Variants in FTO observed in about 807,000 individuals in gnomAD.
FTO encodes the protein FTO alpha-ketoglutarate dependent dioxygenase, also known as alpha-ketoglutarate-dependent dioxygenase FTO.
Under a neutral mutation model 63.9 loss-of-function variants are expected in FTO, and 47 were observed. That is an observed-to-expected ratio of 0.74 (90% CI 0.58 to 0.94). The LOEUF (loss-of-function observed/expected upper bound fraction) is 0.94. Among genes scored for constraint, FTO ranks in the 40% least tolerant of loss-of-function variants. FTO has a pLI of 0.00. For missense variants in FTO, 562 were observed against 618.1 expected (o/e 0.91, Z 0.96); for synonymous variants, 207 against 224.4 (o/e 0.92, Z 0.69).
intron 6 of FTO, among the ~76,000 whole-genome samples, chr16:53,884,631 C>A (rs895932370): frequency 6.6e-6 from 1 of 152,164 alleles, no homozygotes; most frequent in African/African-American, 2.4e-5. Flanking sequence ...GTTTGCTGAC[C>A]CGTTGGAATG....
At chr16:54,001,943 G>A (rs2084077789) in intron 8 of FTO, among the ~76,000 whole-genome samples, 1 of 152,178 alleles carries the variant, frequency 6.6e-6, no homozygotes, top group Non-Finnish European at 1.5e-5. Flanking sequence ...ATAGGCCCCA[G>A]AAGGGGCTTC....
chr16:54,070,605 T>A (rs2085846617), intron 8 of FTO: 1 of 152,158 alleles, frequency 6.6e-6, no homozygotes, highest in African/African-American at 2.4e-5. Context: ...ACTTATAGGG[T>A]CAAAAACACT....
chr16:53,750,147 A>G (rs1366851320), intron 1 of FTO, among the ~76,000 whole-genome samples: 4 of 152,204 alleles, frequency 2.6e-5, no homozygotes, highest in Non-Finnish European at 5.9e-5. Flanking sequence ...AATTGGTAAG[A>G]TTATGAACCT....
At chr16:53,719,656 AGCTCTTGAATTTGTTTAT>A (rs2075990935) in intron 1 of FTO, among the ~76,000 whole-genome samples, 1 of 145,928 alleles carries the variant, frequency 6.9e-6, no homozygotes, top group African/African-American at 2.5e-5. Context: ...TTTTTAAACA[AGCTCTTGAATTTGTTTAT>A]GCTCTAATTC....
intron 8 of FTO, among the ~76,000 whole-genome samples, chr16:53,972,014 A>C (rs2083334155): frequency 6.6e-6 from 1 of 152,044 alleles, no homozygotes; most frequent in Admixed American, 6.6e-5. Context: ...TTTAACGACA[A>C]ATGATGTATA....
intron 8 of FTO, among the ~76,000 whole-genome samples, chr16:54,111,170 C>G (rs1002146977): frequency 3.9e-5 from 6 of 152,190 alleles, no homozygotes; most frequent in Non-Finnish European, 8.8e-5. Context: ...TTTTTCCCAC[C>G]TCTTCATCAG....
chr16:53,917,709 AGTGTGTGTGTGTGT>A (rs35549801), intron 7 of FTO, among the ~76,000 whole-genome samples: 15 of 143,128 alleles, frequency 1.0e-4, no homozygotes, highest in South Asian at 6.8e-4. Context: ...AAATTGAGTG[AGTGTGTGTGTGTGT>A]GTGTGTGTGT....
chr16:53,776,649 T>G (rs1278983188), intron 1 of FTO, among the ~76,000 whole-genome samples: 1 of 152,176 alleles, frequency 6.6e-6, no homozygotes, highest in Non-Finnish European at 1.5e-5. Flanking sequence ...TAATGTAACA[T>G]TTTTTATGAA....
chr16:53,997,094 T>G, intron 8 of FTO, among the ~76,000 whole-genome samples: 3 of 140,976 alleles, frequency 2.1e-5, no homozygotes, highest in Non-Finnish European at 3.0e-5. Context: ...GGCAATGGAG[T>G]GGAGCAAGAC....
intron 8 of FTO, among the ~76,000 whole-genome samples, chr16:54,009,378 A>G (rs1247996923): frequency 6.6e-6 from 1 of 152,214 alleles, no homozygotes; most frequent in Non-Finnish European, 1.5e-5. Flanking sequence ...TTTTCCGTTC[A>G]TCAAACTACT....
chr16:53,873,721 A>G lies in FTO; in HGVS notation c.896-65A>G, dbSNP rs576609285. ...TACTGTTTACTTTGTGTTTTAGTTA[A>G]ATAATATATAGTATATACTGACTAA... On this transcript the variant is annotated intron_variant, in intron 4 of 8. Transcript: ENST00000471389. 4.5e-5 allele frequency: 56 copies of G among 1,240,854 alleles called. No homozygotes were observed. The East Asian group carries it at 1.4e-3, about 30-fold the overall frequency. The allele number at this position is 1,240,854 out of a possible 1,614,324, so 76.9% of individuals were successfully genotyped here.
intron 8 of FTO, among the ~76,000 whole-genome samples, chr16:53,960,937 C>T (rs547191579): frequency 2.0e-5 from 3 of 152,256 alleles, no homozygotes; most frequent in East Asian, 3.9e-4. Flanking sequence ...GACTGGTGCT[C>T]GTCATTTTTG....
chr16:53,721,444 C>G (rs1488092911), intron 1 of FTO, among the ~76,000 whole-genome samples: 2 of 151,982 alleles, frequency 1.3e-5, no homozygotes, highest in Non-Finnish European at 2.9e-5. Flanking sequence ...ATTTTTTTCT[C>G]AATTGGATGA....
intron 8 of FTO, among the ~76,000 whole-genome samples, chr16:53,961,304 C>CATTT (rs1050089437): frequency 1.3e-5 from 2 of 152,158 alleles, no homozygotes; most frequent in African/African-American, 2.4e-5. Context: ...TCTGCAGAGT[C>CATTT]ATTTAGCCAG....
intron 1 of FTO, among the ~76,000 whole-genome samples, chr16:53,802,058 G>T (rs181709155): frequency 6.6e-6 from 1 of 152,126 alleles, no homozygotes; most frequent in African/African-American, 2.4e-5. Context: ...GCCACCACAC[G>T]CAGTCTTATT....
intron 2 of FTO, among the ~76,000 whole-genome samples, chr16:53,822,795 C>T (rs1011183903): frequency 6.6e-6 from 1 of 152,134 alleles, no homozygotes; most frequent in African/African-American, 2.4e-5. Flanking sequence ...TGTGCCCCAC[C>T]ACTCTTCCAG....
At chr16:53,774,823 T>A (rs1250163343) in intron 1 of FTO, among the ~76,000 whole-genome samples, 1 of 152,092 alleles carries the variant, frequency 6.6e-6, no homozygotes, top group African/African-American at 2.4e-5. Context: ...GAACTGTTGA[T>A]TTGTAAGAAC....
intron 8 of FTO, among the ~76,000 whole-genome samples, chr16:54,017,129 T>G (rs569091206): frequency 6.6e-6 from 1 of 152,172 alleles, no homozygotes; most frequent in Non-Finnish European, 1.5e-5. Flanking sequence ...AGACTTGTAA[T>G]CACCACTTGC....
At position 54,057,462 on chromosome 16, in the gene FTO, GTTGTTTT is replaced by G. The variant is rs1211027004; in HGVS notation, c.1365-54285_1365-54279del. On this transcript the variant is annotated intron_variant, in intron 8 of 8. Coordinates refer to ENST00000471389, the MANE Select transcript of FTO (RefSeq NM_001080432.3). ...ATGGATGTCTTCATTAGAAGCAAAT[GTTGTTTT>G]TTGTTTTTTGTTTTGACACGGTCTC... 5.1e-4 allele frequency among the ~76,000 whole-genome samples: 77 copies of G among 152,202 alleles called. 1 individual carries two copies. The highest frequency in any genetic ancestry group is 4.4e-4 in the Non-Finnish European group (30 of 68,012).
Sources: allele counts gnomAD v4.1 joint callset (sites outside exome capture counted in the v4.1 genomes callset), GRCh38; gene constraint gnomAD v4.1.1; transcripts MANE v1.5; gene names NCBI Gene and HGNC (gene_info 2026-07-23, HGNC 2026-07-21).